Variants in RELN observed in about 807,000 individuals in gnomAD.
RELN encodes the protein reelin.
Under a neutral mutation model 427.6 loss-of-function variants are expected in RELN, and 108 were observed. The ratio of observed to expected loss-of-function variants is 0.25; its 90% CI spans 0.22 to 0.30. The LOEUF (loss-of-function observed/expected upper bound fraction) is 0.30, where lower values mean the gene tolerates loss of function less well. RELN is among the 10% of genes least tolerant of loss of function. The pLI is 1.00. For missense variants in RELN, 3,715 were observed against 4,302.8 expected (o/e 0.86, Z 3.82); for synonymous variants, 1,524 against 1,513.4 (o/e 1.01, Z -0.16).
At chr7:103,567,507 A>G (rs1208341795) in intron 31 of RELN, among the ~76,000 whole-genome samples, 4 of 152,194 alleles carry the variant, frequency 2.6e-5, no homozygotes, top group African/African-American at 9.7e-5. Context: ...AAAAGTTGCT[A>G]AGGATGAAAC....
intron 22 of RELN, 71 bp downstream of exon 22, chr7:103,610,624 T>A (rs374595649): frequency 8.5e-6 from 7 of 819,024 alleles, no homozygotes; most frequent in African/African-American, 8.3e-5. Context: ...CTTGAATCAA[T>A]AGAGACAGAA....
chr7:103,690,630 A>G (rs1215825273), intron 10 of RELN, among the ~76,000 whole-genome samples: 1 of 152,150 alleles, frequency 6.6e-6, no homozygotes, highest in African/African-American at 2.4e-5. Flanking sequence ...ACCATCGTAA[A>G]CAACAGTTGT....
chr7:103,966,995 CTGTG>C (rs796857978), intron 1 of RELN, among the ~76,000 whole-genome samples: 6 of 152,362 alleles, frequency 3.9e-5, no homozygotes, highest in South Asian at 4.1e-4. Flanking sequence ...CCTTTCCTTC[CTGTG>C]TAACTTCCCT....
chr7:103,568,826 T>C (rs918269910), intron 31 of RELN, among the ~76,000 whole-genome samples: 6 of 152,250 alleles, frequency 3.9e-5, no homozygotes, highest in African/African-American at 1.2e-4. Flanking sequence ...AGGTAGATGA[T>C]ACTAGAAATG....
chr7:103,842,606 T>C (rs1793579131), intron 2 of RELN, among the ~76,000 whole-genome samples: 1 of 152,222 alleles, frequency 6.6e-6, no homozygotes, highest in Non-Finnish European at 1.5e-5. Context: ...TGCTACAAGA[T>C]ATTGAATAGT....
At chr7:103,496,814 T>G in intron 55 of RELN, 46 bp from the exon 56 acceptor site, 2 of 1,604,112 alleles carry the variant, frequency 1.2e-6, no homozygotes, top group Non-Finnish European at 1.7e-6. Flanking sequence ...TAGAATCTCC[T>G]GCCTCCTCAT....
chr7:103,533,009 A>G (rs1368652962), intron 46 of RELN, among the ~76,000 whole-genome samples: 2 of 152,218 alleles, frequency 1.3e-5, no homozygotes, highest in African/African-American at 4.8e-5. Flanking sequence ...GCAGTTAAAA[A>G]TATTTGTTTA....
intron 3 of RELN, among the ~76,000 whole-genome samples, chr7:103,821,231 T>C (rs1339052943): frequency 1.3e-5 from 2 of 152,174 alleles, no homozygotes; most frequent in African/African-American, 4.8e-5. Flanking sequence ...GTGGTTGATG[T>C]GTAGGCTTTA....
chr7:103,535,561 G>A (rs1367215222), intron 45 of RELN, 77 bp from the exon 46 acceptor site: 5 of 1,362,580 alleles, frequency 3.7e-6, no homozygotes, highest in Admixed American at 3.5e-5. Flanking sequence ...TCACATTTGT[G>A]TATGTTTTAG....
intron 3 of RELN, among the ~76,000 whole-genome samples, chr7:103,799,733 A>C (rs1261370412): frequency 2.0e-5 from 3 of 152,174 alleles, no homozygotes; most frequent in African/African-American, 7.2e-5. Context: ...CACAGTTATA[A>C]TTAAGCGTTC....
At chr7:103,890,849 G>C (rs547323478) in intron 2 of RELN, among the ~76,000 whole-genome samples, 1 of 152,110 alleles carries the variant, frequency 6.6e-6, no homozygotes, top group Non-Finnish European at 1.5e-5. Flanking sequence ...AGGCTGAGGC[G>C]GGCAGATAAT....
At chr7:103,720,803 C>T (rs1790057269) in intron 8 of RELN, among the ~76,000 whole-genome samples, 1 of 151,976 alleles carries the variant, frequency 6.6e-6, no homozygotes, top group Non-Finnish European at 1.5e-5. Flanking sequence ...CTCATATCAC[C>T]CAAATAAACA....
rs1276856235 is a variant in RELN, at chr7:103,988,100, T to C, written c.226+1031A>G. The stretch of plus-strand genomic sequence containing the variant: ...CTATTAACAGGAGCCTACTGGACAA[T>C]GGTTTCTATTTGGTTGGGTATAAAT... On this transcript the variant is annotated intron_variant, in intron 1 of 64. Transcript: ENST00000428762. The surrounding 1 kb of genome is among the most constrained non-coding windows in gnomAD (Gnocchi z 4.9). 6.6e-6 allele frequency among the ~76,000 whole-genome samples: 1 copy of C among 152,152 alleles called. No individual in the cohort carries two copies. The highest frequency in any genetic ancestry group is 2.4e-5 in the African/African-American group (1 of 41,432).
intron 3 of RELN, among the ~76,000 whole-genome samples, chr7:103,805,747 T>C (rs1371285953): frequency 6.6e-6 from 1 of 152,222 alleles, no homozygotes; most frequent in Non-Finnish European, 1.5e-5. Context: ...TTAGTCATTT[T>C]TAAAATGAAG....
chr7:103,957,898 G>A (rs950893416), intron 1 of RELN, among the ~76,000 whole-genome samples: 1 of 152,106 alleles, frequency 6.6e-6, no homozygotes, highest in Non-Finnish European at 1.5e-5. Context: ...ATAGTCTGAA[G>A]GATAATAACA....
intron 19 of RELN, among the ~76,000 whole-genome samples, chr7:103,634,274 A>G (rs578074954): frequency 4.9e-4 from 75 of 152,262 alleles, no homozygotes; most frequent in African/African-American, 1.7e-3. Context: ...CAGGAAGTGA[A>G]GTGGAATGTT....
chr7:103,928,672 C>A (rs529818321), intron 1 of RELN, among the ~76,000 whole-genome samples: 3 of 152,298 alleles, frequency 2.0e-5, no homozygotes, highest in African/African-American at 7.2e-5. Context: ...CAGTTTCCTC[C>A]TAGTGTAAAT....
intron 2 of RELN, among the ~76,000 whole-genome samples, chr7:103,911,113 G>A (rs1319801003): frequency 1.4e-5 from 2 of 144,704 alleles, no homozygotes; most frequent in African/African-American, 2.7e-5. Flanking sequence ...ATCTGACAAA[G>A]GGCTAGTATC....
At chr7:103,697,249 T>G (rs1833995104) in intron 10 of RELN, among the ~76,000 whole-genome samples, 1 of 152,088 alleles carries the variant, frequency 6.6e-6, no homozygotes, top group African/African-American at 2.4e-5. Context: ...GTATTGGAGT[T>G]AGGATTTCAA....
Sources: allele counts gnomAD v4.1 joint callset (sites outside exome capture counted in the v4.1 genomes callset), GRCh38; gene constraint gnomAD v4.1.1; non-coding constraint Gnocchi (gnomAD v3.1); transcripts MANE v1.5; gene names NCBI Gene and HGNC (gene_info 2026-07-23, HGNC 2026-07-21).